Variants in TDRD5 observed in about 807,000 individuals in gnomAD.
TDRD5 encodes the protein tudor domain-containing protein 5.
TDRD5 carries 41 observed loss-of-function variants against 120.6 expected under a neutral mutation model. The observed-to-expected ratio is 0.34, with a 90% CI of 0.26 to 0.44. The LOEUF (loss-of-function observed/expected upper bound fraction) is 0.44. Among genes scored for constraint, TDRD5 ranks in the 20% least tolerant of loss-of-function variants. The pLI, the probability that TDRD5 is intolerant of heterozygous loss-of-function variation, is 1.00. For synonymous variants in TDRD5, 430 were observed against 433.7 expected (o/e 0.99, Z 0.11); for missense variants, 1,006 against 1,221.2 (o/e 0.82, Z 2.63).
intron 17 of TDRD5, among the ~76,000 whole-genome samples, chr1:179,678,070 C>T (rs932455547): frequency 6.6e-6 from 1 of 151,770 alleles, no homozygotes; most frequent in African/African-American, 2.4e-5. Context: ...TTGGGAAGGG[C>T]TTGCTGCGGC....
intron 13 of TDRD5, 146 bp from the exon 14 acceptor site, chr1:179,654,055 A>C: frequency 1.8e-6 from 1 of 559,974 alleles, no homozygotes; most frequent in Non-Finnish European, 2.9e-6. Flanking sequence ...CAGGATGGGA[A>C]GACCTAGGAT....
At chr1:179,628,818 T>C (rs1269581799) in intron 6 of TDRD5, among the ~76,000 whole-genome samples, 1 of 152,212 alleles carries the variant, frequency 6.6e-6, no homozygotes, top group African/African-American at 2.4e-5. Context: ...TAATCTATTA[T>C]GTTGAATCAT....
intron 4 of TDRD5, among the ~76,000 whole-genome samples, chr1:179,602,862 T>C (rs1000306055): frequency 6.6e-6 from 1 of 152,178 alleles, no homozygotes; most frequent in Admixed American, 6.5e-5. Flanking sequence ...CTATGCGGGC[T>C]CTTTTTTGGT....
chr1:179,691,220 GT>G lies in TDRD5; in HGVS notation c.*280del. On this transcript the variant is annotated 3_prime_UTR_variant, in exon 18 of 18. Transcript: ENST00000444136. ...AGTTTAAAGGAATTTGTTTTTTTGT[GT>G]TTGTTTTTCTTGTACATTATCATGA... is the stretch of plus-strand genomic sequence containing the variant. 3.7e-6 allele frequency: 1 copy of G among 272,834 alleles called. No individual in the cohort carries two copies. Among genetic ancestry groups the G allele is most frequent in the Non-Finnish European group, 6.8e-6 (1 of 146,392 alleles). The allele number at this position is 272,834 out of a possible 1,614,324, so 16.9% of individuals were successfully genotyped here. A position where few individuals can be genotyped will look rare whatever the true frequency, so the allele number is the denominator to read the frequency against.
chr1:179,660,156 T>C (rs1679222432), intron 14 of TDRD5, among the ~76,000 whole-genome samples: 1 of 151,880 alleles, frequency 6.6e-6, no homozygotes, highest in Admixed American at 6.6e-5. Flanking sequence ...CTCCTCTTTC[T>C]TGCCTTCTCT....
Position 179,630,452 on chromosome 1 carries a change from TCCTCTTGTTTTTTTAA to T in TDRD5, c.973-314_973-299del, listed in dbSNP as rs370899483. Among the ~76,000 whole-genome samples, 872 of 152,346 alleles carry T rather than the reference TCCTCTTGTTTTTTTAA, an allele frequency of 5.7e-3. 5 individuals are homozygous for T. The highest frequency in any genetic ancestry group is 8.1e-3 in the Non-Finnish European group (548 of 68,026). ...TACGACTGTTGTAATTTGTGCATTC[TCCTCTTGTTTTTTTAA>T]ACACTTTTGCTTTATATTCAGACAT... On this transcript the variant is annotated intron_variant, in intron 6 of 17. Coordinates refer to ENST00000444136, the MANE Select transcript of TDRD5 (RefSeq NM_001199085.3).
chr1:179,681,250 TA>T (rs1680404603), intron 17 of TDRD5, among the ~76,000 whole-genome samples: 1 of 150,584 alleles, frequency 6.6e-6, no homozygotes, highest in African/African-American at 2.4e-5. Flanking sequence ...GCTAGTTTTT[TA>T]AAAAATTTTT....
intron 11 of TDRD5, 102 bp downstream of exon 11, chr1:179,640,547 C>T (rs1677990227): frequency 8.0e-7 from 1 of 1,245,350 alleles, no homozygotes; most frequent in Admixed American, 1.8e-5. Context: ...AACGTAGAAC[C>T]AGCCTTCAAA....
At chr1:179,627,004 A>G (rs540155371) in intron 6 of TDRD5, among the ~76,000 whole-genome samples, 72 of 152,308 alleles carry the variant, frequency 4.7e-4, no homozygotes, top group African/African-American at 1.7e-3. Context: ...AAAGAAAAAA[A>G]TTTTTCTGGG....
At chr1:179,621,120 A>AT in intron 6 of TDRD5, 29 bp downstream of exon 6, 1 of 1,575,066 alleles carries the variant, frequency 6.3e-7, no homozygotes, top group Non-Finnish European at 8.6e-7. Flanking sequence ...CCCAACCCTA[A>AT]TTTTTTATGG....
intron 2 of TDRD5, 122 bp downstream of exon 2, chr1:179,592,969 G>A (rs768152385): frequency 9.7e-7 from 1 of 1,031,892 alleles, no homozygotes; most frequent in Non-Finnish European, 1.4e-6. Context: ...TGGTGGGGGA[G>A]GGAGACTCAT....
chr1:179,604,014 T>G (rs1303348307), intron 4 of TDRD5, among the ~76,000 whole-genome samples: 1 of 152,182 alleles, frequency 6.6e-6, no homozygotes, highest in Non-Finnish European at 1.5e-5. Flanking sequence ...TCCTGGACTT[T>G]TTTTTGTTGG....
At chr1:179,594,713 A>G (rs956016979) in intron 3 of TDRD5, among the ~76,000 whole-genome samples, 2 of 152,258 alleles carry the variant, frequency 1.3e-5, no homozygotes, top group African/African-American at 4.8e-5. Flanking sequence ...AGGTGAACCA[A>G]GAGGATGTGT....
chr1:179,617,049 G>A (rs981869647), intron 4 of TDRD5, among the ~76,000 whole-genome samples: 1 of 152,122 alleles, frequency 6.6e-6, no homozygotes, highest in Non-Finnish European at 1.5e-5. Flanking sequence ...TTATCTCATG[G>A]CAACTACAGA....
At chr1:179,594,280 T>C (rs1675272155) in intron 3 of TDRD5, among the ~76,000 whole-genome samples, 1 of 152,208 alleles carries the variant, frequency 6.6e-6, no homozygotes, top group South Asian at 2.1e-4. Flanking sequence ...TTCTAATCTT[T>C]GCCATCACTG....
chr1:179,681,600 T>A (rs1444057187), intron 17 of TDRD5, among the ~76,000 whole-genome samples: 2 of 152,216 alleles, frequency 1.3e-5, no homozygotes, highest in East Asian at 3.9e-4. Flanking sequence ...AAAAAATAAA[T>A]CTTTTCAGCT....
intron 17 of TDRD5, among the ~76,000 whole-genome samples, chr1:179,673,951 A>G (rs1007822229): frequency 1.3e-5 from 2 of 152,068 alleles, no homozygotes; most frequent in Non-Finnish European, 2.9e-5. Context: ...AGCTTTTTGG[A>G]TGAGTCGTTA....
chr1:179,654,951 C>T (rs184423740), intron 14 of TDRD5, among the ~76,000 whole-genome samples: 63 of 152,078 alleles, frequency 4.1e-4, no homozygotes, highest in African/African-American at 1.4e-3. Flanking sequence ...AATTATATTA[C>T]GAAAAACCCA....
intron 11 of TDRD5, among the ~76,000 whole-genome samples, chr1:179,644,037 A>T (rs910582920): frequency 6.6e-6 from 1 of 152,200 alleles, no homozygotes; most frequent in Non-Finnish European, 1.5e-5. Context: ...GAGAAAAAGA[A>T]GTCAAGCTGG....
Sources: gnomAD v4.1 joint callset for allele counts (sites outside exome capture counted in the v4.1 genomes callset) on GRCh38, gnomAD v4.1.1 for gene constraint, MANE v1.5 for transcripts, NCBI Gene and HGNC (gene_info 2026-07-23, HGNC 2026-07-21) for gene names.